Variants in NELL1 observed in about 807,000 individuals in gnomAD.
NELL1 encodes neural EGFL like 1.
In NELL1, 76 loss-of-function variants were observed where a neutral mutation model predicts 107.4. That is an observed-to-expected ratio of 0.71 (90% CI 0.59 to 0.86). The LOEUF is 0.86. Among genes scored for constraint, NELL1 ranks in the 40% least tolerant of loss-of-function variants. The probability of loss-of-function intolerance (pLI) is 0.00; values close to 1 mark genes in which losing one functional copy is unlikely to be tolerated. For synonymous variants in NELL1, 353 were observed against 341.2 expected, an observed-to-expected ratio of 1.03 and a Z score of -0.38; for missense variants, 1,024 against 1,005.5, an observed-to-expected ratio of 1.02 and a Z score of -0.25.
intron 15 of NELL1, among the ~76,000 whole-genome samples, chr11:21,416,345 A>T (rs1852519643): frequency 6.6e-6 from 1 of 152,068 alleles, no homozygotes; most frequent in African/African-American, 2.4e-5. Context: ...CTGCCTCCTT[A>T]ATAATTAGTG....
At chr11:20,813,950 A>C (rs1224266655) in intron 3 of NELL1, among the ~76,000 whole-genome samples, 4 of 151,462 alleles carry the variant, frequency 2.6e-5, no homozygotes, top group African/African-American at 2.4e-5. Context: ...ACTTTTATTA[A>C]TTTAATTTAT....
At chr11:21,554,309 T>G (rs745658077) in intron 16 of NELL1, among the ~76,000 whole-genome samples, 6 of 151,846 alleles carry the variant, frequency 4.0e-5, no homozygotes, top group Non-Finnish European at 7.4e-5. Context: ...GTTCATGGAG[T>G]GTAAGAAAAT....
At chr11:20,721,238 A>ATATATG (rs1554906615) in intron 2 of NELL1, among the ~76,000 whole-genome samples, 6 of 142,392 alleles carry the variant, frequency 4.2e-5, no homozygotes, top group Admixed American at 2.1e-4. Flanking sequence ...TTTTGTTTAT[A>ATATATG]TATATATATA....
chr11:21,366,352 A>G (rs1851220652), intron 14 of NELL1, among the ~76,000 whole-genome samples: 1 of 152,156 alleles, frequency 6.6e-6, no homozygotes, highest in African/African-American at 2.4e-5. Flanking sequence ...TTTGCTGAAC[A>G]TGACCAGATT....
chr11:21,249,551 T>TA (rs1267165204), intron 14 of NELL1, among the ~76,000 whole-genome samples: 7 of 151,864 alleles, frequency 4.6e-5, no homozygotes, highest in African/African-American at 2.4e-5. Flanking sequence ...AAACTGAGTT[T>TA]AAAAAAAATA....
intron 13 of NELL1, among the ~76,000 whole-genome samples, chr11:21,152,108 C>T (rs7113280): frequency 0.3 from 46,110 of 152,086 alleles, 7,665 homozygotes; most frequent in East Asian, 0.56. Context: ...GACAAATCAA[C>T]TTCTAATGTC....
intron 2 of NELL1, among the ~76,000 whole-genome samples, chr11:20,756,541 T>G (rs1220522614): frequency 1.4e-5 from 2 of 145,766 alleles, no homozygotes; most frequent in Non-Finnish European, 3.0e-5. Flanking sequence ...TTTTTTTTTT[T>G]TAGTAGAGAC....
intron 12 of NELL1, among the ~76,000 whole-genome samples, chr11:20,963,053 C>G (rs1299433052): frequency 6.6e-6 from 1 of 152,170 alleles, no homozygotes; most frequent in Non-Finnish European, 1.5e-5. Context: ...CGCATTCCTT[C>G]TGCCATCTTC....
chr11:21,152,812 T>A (rs1187729675), intron 13 of NELL1, among the ~76,000 whole-genome samples: 1 of 152,162 alleles, frequency 6.6e-6, no homozygotes, highest in Non-Finnish European at 1.5e-5. Flanking sequence ...TACTTCATCT[T>A]TGTATTCTTT....
chr11:21,022,745 A>G (rs1409109578), intron 12 of NELL1, among the ~76,000 whole-genome samples: 1 of 152,116 alleles, frequency 6.6e-6, no homozygotes, highest in Non-Finnish European at 1.5e-5. Flanking sequence ...CTATATTTCT[A>G]TCTCTAGAAA....
chr11:20,929,977 A>G (rs10734293), intron 9 of NELL1, among the ~76,000 whole-genome samples: 81,198 of 133,570 alleles, frequency 0.61, 24,045 homozygotes, highest in Admixed American at 0.7. Flanking sequence ...CTCAAAAAAA[A>G]AAAAGAAAAA....
intron 14 of NELL1, among the ~76,000 whole-genome samples, chr11:21,308,265 G>A (rs1849652573): frequency 1.3e-5 from 2 of 152,100 alleles, no homozygotes; most frequent in African/African-American, 4.8e-5. Context: ...GTTGCTAAAT[G>A]TAGAAACTGT....
chr11:21,186,222 T>G (rs2133829968), intron 13 of NELL1, among the ~76,000 whole-genome samples: 1 of 151,966 alleles, frequency 6.6e-6, no homozygotes, highest in South Asian at 2.1e-4. Flanking sequence ...CCCCATTCAC[T>G]GAGACCCTGT....
intron 16 of NELL1, among the ~76,000 whole-genome samples, chr11:21,545,960 T>A (rs569757317): frequency 6.6e-6 from 1 of 152,062 alleles, no homozygotes; most frequent in East Asian, 2.0e-4. Flanking sequence ...ATTGGTTGAT[T>A]CTGAAGCTCA....
chr11:21,161,822 T>C (rs1440892831), intron 13 of NELL1, among the ~76,000 whole-genome samples: 2 of 152,058 alleles, frequency 1.3e-5, no homozygotes, highest in East Asian at 1.9e-4. Context: ...TTTATACTTA[T>C]AGCACATCTT....
At chr11:21,291,963 C>T (rs1314187713) in intron 14 of NELL1, among the ~76,000 whole-genome samples, 1 of 152,144 alleles carries the variant, frequency 6.6e-6, no homozygotes, top group East Asian at 1.9e-4. Flanking sequence ...AACCCACAGC[C>T]AATATCATAC....
At chr11:20,879,015 T>C (rs1287683985) in intron 4 of NELL1, among the ~76,000 whole-genome samples, 1 of 152,188 alleles carries the variant, frequency 6.6e-6, no homozygotes, top group East Asian at 1.9e-4. Context: ...GCAGGAGATA[T>C]CTAAGCAGGT....
chr11:20,920,108 C>T (rs1341004313), intron 7 of NELL1, among the ~76,000 whole-genome samples: 1 of 152,074 alleles, frequency 6.6e-6, no homozygotes, highest in African/African-American at 2.4e-5. Flanking sequence ...GAAAAAGACA[C>T]TGAAAATATA....
chr11:21,397,450 G>A (rs1169090111), intron 15 of NELL1, among the ~76,000 whole-genome samples: 3 of 151,520 alleles, frequency 2.0e-5, no homozygotes, highest in African/African-American at 2.4e-5. Flanking sequence ...TATACTAAAA[G>A]AGGAAATATG....
Sources: allele counts gnomAD v4.1 joint callset (sites outside exome capture counted in the v4.1 genomes callset), GRCh38; gene constraint gnomAD v4.1.1; transcripts MANE v1.5; gene names NCBI Gene and HGNC (gene_info 2026-07-23, HGNC 2026-07-21).